EYS: variants seen among roughly 807,000 people sequenced by gnomAD.
EYS encodes protein eyes shut homolog.
EYS carries 250 observed loss-of-function variants against 282.1 expected under a neutral mutation model. The ratio of observed to expected loss-of-function variants is 0.89; its 90% CI spans 0.80 to 0.98. The LOEUF (loss-of-function observed/expected upper bound fraction) is 0.98. Ranked by LOEUF, EYS falls within the 50% of genes least tolerant of loss-of-function variation. EYS has a pLI of 0.00. For missense variants in EYS, 4,016 were observed against 3,709.0 expected (o/e 1.08, Z -2.15); for synonymous variants, 1,355 against 1,282.9 (o/e 1.06, Z -1.20).
chr6:65,039,567 C>G (rs1213865000), intron 13 of EYS, among the ~76,000 whole-genome samples: 1 of 151,416 alleles, frequency 6.6e-6, no homozygotes, highest in Non-Finnish European at 1.5e-5. Context: ...ATCTTAACCA[C>G]ATTTATTCTT....
intron 12 of EYS, among the ~76,000 whole-genome samples, chr6:65,269,574 T>C (rs1180073519): frequency 6.6e-6 from 1 of 152,176 alleles, no homozygotes; most frequent in Non-Finnish European, 1.5e-5. Context: ...GTTATGGCAC[T>C]CATGGAGACT....
In EYS at chr6:63,771,872, A is replaced by G. The variant is rs575022956; in HGVS notation, c.7898+6134T>C. On this transcript the variant is annotated intron_variant, in intron 40 of 42. Coordinates refer to ENST00000503581, the MANE Select transcript of EYS (RefSeq NM_001142800.2). ...ACTATGGAAAGATAATTTTCTGAAA[A>G]TGTCTCATCTTTGGCCAGTGGGAGT... 1.2e-4 allele frequency among the ~76,000 whole-genome samples: 18 copies of G among 152,280 alleles called. 1 individual carries two copies. In the South Asian group the frequency reaches 3.5e-3, roughly 30 times the overall value.
At chr6:64,312,198 G>A (rs993128154) in intron 29 of EYS, among the ~76,000 whole-genome samples, 22 of 151,950 alleles carry the variant, frequency 1.4e-4, no homozygotes, top group Non-Finnish European at 2.9e-5. Context: ...GTGGGGGGAG[G>A]GGCTTCGGCC....
intron 29 of EYS, among the ~76,000 whole-genome samples, chr6:64,373,018 T>G (rs1035298023): frequency 2.0e-5 from 3 of 152,202 alleles, no homozygotes; most frequent in African/African-American, 7.2e-5. Context: ...TCCTGTATGT[T>G]GATAATCTTT....
intron 31 of EYS, among the ~76,000 whole-genome samples, chr6:64,138,166 A>G (rs988984205): frequency 1.3e-5 from 2 of 152,220 alleles, no homozygotes; most frequent in Admixed American, 6.5e-5. Context: ...CTTCAATTGT[A>G]CATAGTAGAT....
intron 1 of EYS, among the ~76,000 whole-genome samples, chr6:65,659,204 T>A (rs867429142): frequency 9.9e-5 from 15 of 151,798 alleles, no homozygotes; most frequent in African/African-American, 3.4e-4. Context: ...TTAACTTCCT[T>A]TATTATTTGC....
intron 8 of EYS, among the ~76,000 whole-genome samples, chr6:65,375,158 C>T (rs530866849): frequency 6.6e-6 from 1 of 152,222 alleles, no homozygotes; most frequent in South Asian, 2.1e-4. Context: ...TGGTGGGTGC[C>T]CCTCTGGGAC....
intron 16 of EYS, among the ~76,000 whole-genome samples, chr6:64,904,822 T>A (rs1207724718): frequency 6.6e-6 from 1 of 152,138 alleles, no homozygotes; most frequent in Non-Finnish European, 1.5e-5. Context: ...TTCCTGTGAT[T>A]TTGTCATATT....
chr6:64,192,334 T>G (rs562261697), intron 31 of EYS, among the ~76,000 whole-genome samples: 6 of 152,320 alleles, frequency 3.9e-5, no homozygotes, highest in South Asian at 2.1e-4. Flanking sequence ...TTTAGTTTAA[T>G]TAGATCCCAT....
chr6:64,279,311 G>A (rs1206735906), intron 30 of EYS, among the ~76,000 whole-genome samples: 1 of 152,192 alleles, frequency 6.6e-6, no homozygotes, highest in Non-Finnish European at 1.5e-5. Flanking sequence ...AAAGGGACAG[G>A]TAGCATTTTA....
intron 29 of EYS, among the ~76,000 whole-genome samples, chr6:64,336,801 T>C (rs1307811207): frequency 6.6e-6 from 1 of 151,978 alleles, no homozygotes; most frequent in Non-Finnish European, 1.5e-5. Context: ...GGAATAAAAC[T>C]GGAAATGAAC....
chr6:65,598,225 CTCCT>C (rs574738881), intron 2 of EYS, among the ~76,000 whole-genome samples: 1 of 73,112 alleles, frequency 1.4e-5, no homozygotes, highest in Non-Finnish European at 2.7e-5. Context: ...TGAGAAGACC[CTCCT>C]CCCCACCCAC....
intron 23 of EYS, among the ~76,000 whole-genome samples, chr6:64,620,439 G>A (rs1184391158): frequency 6.6e-6 from 1 of 152,142 alleles, no homozygotes; most frequent in Non-Finnish European, 1.5e-5. Context: ...AGAGCCTTCA[G>A]ATTTTAGGTA....
intron 22 of EYS, among the ~76,000 whole-genome samples, chr6:64,711,492 T>C (rs1771211065): frequency 4.6e-5 from 7 of 152,178 alleles, no homozygotes; most frequent in Admixed American, 3.9e-4. Flanking sequence ...TCTATTAAAA[T>C]TGGTCAAATT....
intron 30 of EYS, among the ~76,000 whole-genome samples, chr6:64,303,016 G>A (rs748091302): frequency 8.4e-4 from 128 of 152,026 alleles, no homozygotes; most frequent in Non-Finnish European, 1.5e-3. Context: ...TACAGGACCC[G>A]CATCCCCATG....
intron 12 of EYS, among the ~76,000 whole-genome samples, chr6:65,181,145 C>G (rs539089501): frequency 1.1e-4 from 16 of 151,958 alleles, no homozygotes; most frequent in East Asian, 5.8e-4. Context: ...ACATAGGCAT[C>G]GGCAAGGACT....
At chr6:65,353,638 A>C in intron 8 of EYS, 21 bp from the exon 9 acceptor site, 2 of 1,600,150 alleles carry the variant, frequency 1.2e-6, no homozygotes, top group Non-Finnish European at 1.7e-6. Context: ...GAAACAAGGA[A>C]AAATGGTAAA....
At chr6:65,455,501 A>G (rs1250134248) in intron 5 of EYS, among the ~76,000 whole-genome samples, 2 of 152,144 alleles carry the variant, frequency 1.3e-5, no homozygotes, top group African/African-American at 4.8e-5. Flanking sequence ...TAAAATTCAC[A>G]AATCTTTAAC....
chr6:64,449,688 T>A (rs1294020779), intron 26 of EYS, among the ~76,000 whole-genome samples: 2 of 151,820 alleles, frequency 1.3e-5, no homozygotes, highest in Admixed American at 6.6e-5. Flanking sequence ...CAGAAGAGAG[T>A]GGGGGCCAAT....
Sources: allele counts gnomAD v4.1 joint callset (sites outside exome capture counted in the v4.1 genomes callset), GRCh38; gene constraint gnomAD v4.1.1; transcripts MANE v1.5; gene names NCBI Gene and HGNC (gene_info 2026-07-23, HGNC 2026-07-21).